SGO2: variants seen among roughly 807,000 people sequenced by gnomAD.
SGO2 encodes shugoshin-like 2.
In SGO2, 68 loss-of-function variants were observed where a neutral mutation model predicts 99.5. That is an observed-to-expected ratio of 0.68 (90% CI 0.56 to 0.84). The LOEUF is 0.84. Ranked by LOEUF, SGO2 falls within the 40% of genes least tolerant of loss-of-function variation. The pLI is 0.00. For synonymous variants in SGO2, 457 were observed against 487.1 expected, an observed-to-expected ratio of 0.94 and a Z score of 0.81; for missense variants, 1,350 against 1,436.7, an observed-to-expected ratio of 0.94 and a Z score of 0.97.
intron 8 of SGO2, among the ~76,000 whole-genome samples, chr2:200,578,394 C>T (rs1320295146): frequency 6.6e-6 from 1 of 152,096 alleles, no homozygotes; most frequent in Non-Finnish European, 1.5e-5. Flanking sequence ...ATCCTAGTGG[C>T]TTAAGTAGCA....
intron 5 of SGO2, among the ~76,000 whole-genome samples, chr2:200,561,086 G>A (rs2032937908): frequency 6.6e-6 from 1 of 152,032 alleles, no homozygotes; most frequent in Admixed American, 6.6e-5. Flanking sequence ...GGGTACATGT[G>A]CACAACGTGC....
At chr2:200,555,823 C>G (rs917104203) in intron 5 of SGO2, among the ~76,000 whole-genome samples, 2 of 152,132 alleles carry the variant, frequency 1.3e-5, no homozygotes, top group African/African-American at 4.8e-5. Context: ...CAGAATAGAG[C>G]CTTAGATTTT....
Position 200,535,219 on chromosome 2 carries a change from T to C in SGO2, c.309+48T>C, listed in dbSNP as rs774644957. 2.3e-5 allele frequency: 32 copies of C among 1,373,162 alleles called. No homozygotes were observed. The African/African-American group carries it at 4.7e-4, about 20-fold the overall frequency. The allele number at this position is 1,373,162 out of a possible 1,614,324, so 85.1% of individuals were successfully genotyped here. On this transcript the variant is annotated intron_variant, in intron 3 of 8. Coordinates refer to ENST00000357799, the MANE Select transcript of SGO2 (RefSeq NM_152524.6). ...GAATTCTAATTATAACTTAAATCTTTTAGCTGCATTATTATAGAAGCTTTA... is the reference window on the plus strand; with the variant it reads ...GAATTCTAATTATAACTTAAATCTTCTAGCTGCATTATTATAGAAGCTTTA...
At chr2:200,551,901 A>G (rs2032498932) in intron 5 of SGO2, among the ~76,000 whole-genome samples, 2 of 152,136 alleles carry the variant, frequency 1.3e-5, no homozygotes, top group African/African-American at 4.8e-5. Flanking sequence ...AAGTCTTGCT[A>G]TTTGATAGTG....
chr2:200,555,350 T>G (rs2032663475), intron 5 of SGO2, among the ~76,000 whole-genome samples: 1 of 152,122 alleles, frequency 6.6e-6, no homozygotes, highest in African/African-American at 2.4e-5. Context: ...TTTGCTAGTT[T>G]TTAAGTTTCT....
chr2:200,583,443 T>C lies in SGO2; in HGVS notation c.3783-6T>C. ...TTATTAATCTTCCTTTTTTTCTACT[T>C]TGCAGCAAGATGAGAAGATGAAGTG... On this transcript the variant is annotated splice_region_variant and splice_polypyrimidine_tract_variant and intron_variant, in intron 8 of 8. Coordinates refer to ENST00000357799, the MANE Select transcript of SGO2 (RefSeq NM_152524.6). 6.3e-7 allele frequency: 1 copy of C among 1,583,162 alleles called. No homozygotes were observed. Among genetic ancestry groups the C allele is most frequent in the Non-Finnish European group, 8.6e-7 (1 of 1,167,414 alleles).
At position 200,583,639 on chromosome 2, in the gene SGO2, A is replaced by G; in HGVS notation, c.*175A>G. On this transcript the variant is annotated 3_prime_UTR_variant, in exon 9 of 9. Transcript: ENST00000357799. The stretch of plus-strand genomic sequence containing the variant: ...TGTTTATTAATAGGTATATGTGCAT[A>G]AAATAGCTATTTTGTAACATTAAAC... The G allele has an allele frequency of 2.4e-6, 1 of 409,322 alleles. No homozygotes were observed. Among genetic ancestry groups the G allele is most frequent in the Non-Finnish European group, 4.3e-6 (1 of 233,704 alleles). The allele number at this position is 409,322 out of a possible 1,614,324, so 25.4% of individuals were successfully genotyped here.
Position 200,535,100 on chromosome 2 carries a change from A to G in SGO2, c.238A>G (p.Met80Val). ...TTCTCGAAGAATTACAACTGAAAAGATGCTATTGCAAAAAGAAGTAGAGAA... is the reference window on the plus strand; with the variant it reads ...TTCTCGAAGAATTACAACTGAAAAGGTGCTATTGCAAAAAGAAGTAGAGAA... ...ENSRRITTEKMLLQKEVEKLN... is the reference protein window; with the variant it reads ...ENSRRITTEKVLLQKEVEKLN... Residue 80 changes from methionine to valine, a missense_variant, in exon 3 of 9, where the codon ATG (methionine) becomes GTG (valine). Transcript: ENST00000357799. The G allele has an allele frequency of 1.3e-6, 2 of 1,559,738 alleles. No homozygotes were observed. Among genetic ancestry groups the G allele is most frequent in the Admixed American group, 4.4e-5 (2 of 45,972 alleles).
chr2:200,579,329 T>C (rs916664157), intron 8 of SGO2, among the ~76,000 whole-genome samples: 23 of 152,370 alleles, frequency 1.5e-4, no homozygotes, highest in African/African-American at 5.3e-4. Flanking sequence ...TTTTACTTCA[T>C]TACCCTGTTT....
intron 5 of SGO2, among the ~76,000 whole-genome samples, chr2:200,568,133 C>T (rs1261719414): frequency 6.6e-6 from 1 of 152,182 alleles, no homozygotes; most frequent in Non-Finnish European, 1.5e-5. Context: ...TAATAATTAT[C>T]TATTCTTGTG....
At chr2:200,581,066 T>A (rs566599069) in intron 8 of SGO2, among the ~76,000 whole-genome samples, 1 of 152,312 alleles carries the variant, frequency 6.6e-6, no homozygotes, top group East Asian at 1.9e-4. Flanking sequence ...TTATTGCATT[T>A]TGGTCAGAAA....
At chr2:200,547,704 T>C (rs541036112) in intron 5 of SGO2, among the ~76,000 whole-genome samples, 3 of 152,254 alleles carry the variant, frequency 2.0e-5, no homozygotes, top group South Asian at 4.2e-4. Flanking sequence ...TTAAAAGCCA[T>C]AGAGTAGCTG....
intron 5 of SGO2, among the ~76,000 whole-genome samples, chr2:200,554,466 T>C (rs1238403018): frequency 6.6e-6 from 1 of 152,198 alleles, no homozygotes; most frequent in East Asian, 1.9e-4. Flanking sequence ...CAAAGTCCTA[T>C]AGCTGATTAT....
At position 200,532,265 on chromosome 2, in the gene SGO2, G is replaced by GTTT. The variant is rs199785070; in HGVS notation, c.-2-705_-2-703dup. On this transcript the variant is annotated intron_variant, in intron 1 of 8. Transcript: ENST00000357799. ...GGGTTAGGCAGGTGCAGGTGACAGA[G>GTTT]TTTTTTGTTTTTTTTTTTGTTTTTT... 1.6e-5 allele frequency: 7 copies of GTTT among 443,856 alleles called. No homozygotes were observed. In the African/African-American group the frequency reaches 1.9e-4, roughly 12 times the overall value. The allele number at this position is 443,856 out of a possible 1,614,324, so 27.5% of individuals were successfully genotyped here. A position where few individuals can be genotyped will look rare whatever the true frequency, so the allele number is the denominator to read the frequency against.
At chr2:200,553,888 C>T (rs2032597003) in intron 5 of SGO2, among the ~76,000 whole-genome samples, 1 of 152,026 alleles carries the variant, frequency 6.6e-6, no homozygotes, top group Non-Finnish European at 1.5e-5. Flanking sequence ...ATTTACTTAC[C>T]GCAGGTCAAG....
chr2:200,537,138 G>A (rs190505678), intron 4 of SGO2, among the ~76,000 whole-genome samples: 15 of 152,064 alleles, frequency 9.9e-5, no homozygotes, highest in African/African-American at 3.6e-4. Context: ...GAGTGGACTT[G>A]TAATCTACCT....
chr2:200,569,853 T>A lies in SGO2; in HGVS notation c.664T>A (p.Ser222Thr). The change falls in exon 6 of 9, where the codon TCA becomes ACA. Residue 222 changes from serine (S) to threonine (T), a missense_variant. Transcript: ENST00000357799. ...TCAAAATGTATATGGTTTAGATGAT[T>A]CAGAACATATTTCTTCTATAGTTGA... ...NNQNVYGLDD[S>T]EHISSIVDVP... 6.3e-7 allele frequency: 1 copy of A among 1,599,366 alleles called. No homozygotes were observed. Among genetic ancestry groups the A allele is most frequent in the Admixed American group, 1.7e-5 (1 of 59,922 alleles).
chr2:200,559,174 A>AT (rs1199442072), intron 5 of SGO2, among the ~76,000 whole-genome samples: 3 of 152,026 alleles, frequency 2.0e-5, no homozygotes, highest in Non-Finnish European at 2.9e-5. Context: ...GGTTTGTAAA[A>AT]TTTTTTTTAA....
At chr2:200,530,137 A>G (rs1024743554) in intron 1 of SGO2, among the ~76,000 whole-genome samples, 1 of 152,156 alleles carries the variant, frequency 6.6e-6, no homozygotes, top group Non-Finnish European at 1.5e-5. Flanking sequence ...AGTGGGAACC[A>G]TGGGAGAGTT....
Sources: gnomAD v4.1 joint callset for allele counts (sites outside exome capture counted in the v4.1 genomes callset) on GRCh38, gnomAD v4.1.1 for gene constraint, MANE v1.5 for transcripts, NCBI Gene and HGNC (gene_info 2026-07-23, HGNC 2026-07-21) for gene names.